TLE6: variants seen among roughly 807,000 people sequenced by gnomAD.
The protein encoded by TLE6 is TLE family member 6, subcortical maternal complex member.
Under a neutral mutation model 77.1 loss-of-function variants are expected in TLE6, and 72 were observed. That is an observed-to-expected ratio of 0.93 (90% CI 0.77 to 1.14). TLE6 has a LOEUF of 1.14. Among genes scored for constraint, TLE6 ranks in the 50% most tolerant of loss-of-function variants. The pLI, the probability that TLE6 is intolerant of heterozygous loss-of-function variation, is 0.00. For missense variants in TLE6, 843 were observed against 747.6 expected (o/e 1.13, Z -1.49); for synonymous variants, 366 against 287.3 (o/e 1.27, Z -2.77).
At chr19:2,978,321 A>C in intron 2 of TLE6, 37 bp downstream of exon 2, 11 of 1,549,648 alleles carry the variant, frequency 7.1e-6, no homozygotes, top group Non-Finnish European at 9.6e-6. Context: ...CCCTCAAGGG[A>C]AACCCGGGCC....
intron 2 of TLE6, among the ~76,000 whole-genome samples, chr19:2,979,760 G>A (rs2088756784): frequency 1.5e-5 from 2 of 129,108 alleles, no homozygotes; most frequent in Non-Finnish European, 3.2e-5. Flanking sequence ...CCAAGATGGT[G>A]AAACCCCATC....
Position 2,991,417 on chromosome 19 carries a change from CACACACACAT to C in TLE6, c.1245-424_1245-415del, listed in dbSNP as rs1363916788. Among the ~76,000 whole-genome samples, 162 of 148,626 alleles carry C rather than the reference CACACACACAT, an allele frequency of 1.1e-3. 1 individual carries two copies. Among genetic ancestry groups the C allele is most frequent in the African/African-American group, 3.7e-3 (149 of 40,488 alleles). ...ATATACACACACACACACACACACACACACACACATATATATAATATATGTATTTATAACA... is the reference window on the plus strand; with the variant it reads ...ATATACACACACACACACACACACACATATATAATATATGTATTTATAACA... On this transcript the variant is annotated intron_variant, in intron 13 of 16. Transcript: ENST00000246112.
At chr19:2,982,511 C>T (rs961036232) in intron 5 of TLE6, among the ~76,000 whole-genome samples, 1 of 143,288 alleles carries the variant, frequency 7.0e-6, no homozygotes, top group African/African-American at 2.6e-5. Context: ...GCACTCCAGC[C>T]TGGGCGACAG....
Position 2,995,054 on chromosome 19 carries a change from C to A in TLE6, c.*50C>A. On this transcript the variant is annotated 3_prime_UTR_variant, in exon 17 of 17. Transcript: ENST00000246112. ...TCCGGCTCCTCTTTTCATCCCCCCC[C>A]TTCCCCCCCCCCAACAAGGGGGACA... The A allele has an allele frequency of 9.5e-7, 1 of 1,051,830 alleles. No homozygotes were observed. Among genetic ancestry groups the A allele is most frequent in the Non-Finnish European group, 1.4e-6 (1 of 738,664 alleles). The allele number at this position is 1,051,830 out of a possible 1,614,324, so 65.2% of individuals were successfully genotyped here. A position where few individuals can be genotyped will look rare whatever the true frequency, so the allele number is the denominator to read the frequency against.
In TLE6 at chr19:2,992,001, G is replaced by A; in HGVS notation, c.1386+17G>A. ...AAGTCTCAGGTGCGGAGGCCGGGAT[G>A]GGGTCTGCTTGGCCAGGCATCCTCT... On this transcript the variant is annotated intron_variant, in intron 14 of 16. Transcript: ENST00000246112. 1.2e-6 allele frequency: 2 copies of A among 1,611,768 alleles called. No homozygotes were observed. The highest frequency in any genetic ancestry group is 1.7e-6 in the Non-Finnish European group (2 of 1,179,000).
Position 2,988,087 on chromosome 19 carries a change from G to A in TLE6, c.703-4G>A, listed in dbSNP as rs767135360. 1 of 1,552,660 alleles carries A rather than the reference G, an allele frequency of 6.4e-7. No individual in the cohort carries two copies. The highest frequency in any genetic ancestry group is 1.2e-5 in the South Asian group (1 of 84,292). On this transcript the variant is annotated splice_region_variant and splice_polypyrimidine_tract_variant and intron_variant, in intron 10 of 16. Coordinates refer to ENST00000246112, the MANE Select transcript of TLE6 (RefSeq NM_001143986.2). ...GGGGCAGCTGTGATCTCCCCCGCCTGCAGGAGCCTCCTGGAAGAGCCTCTC... is the reference window on the plus strand; with the variant it reads ...GGGGCAGCTGTGATCTCCCCCGCCTACAGGAGCCTCCTGGAAGAGCCTCTC...
chr19:2,981,105 T>C (rs139940906), intron 3 of TLE6, among the ~76,000 whole-genome samples: 35 of 151,754 alleles, frequency 2.3e-4, no homozygotes, highest in African/African-American at 8.2e-4. Flanking sequence ...CCTGTTGTAA[T>C]CCCAGCACTT....
rs866197425 is a variant in TLE6 at position 2,981,084 on chromosome 19, G to A, written c.135-454G>A. Among the ~76,000 whole-genome samples, 114 of 149,940 alleles carry A rather than the reference G, an allele frequency of 7.6e-4. 1 individual carries two copies. Among genetic ancestry groups the A allele is most frequent in the Admixed American group, 9.3e-4 (14 of 15,044 alleles). On this transcript the variant is annotated intron_variant, in intron 3 of 16. Coordinates refer to ENST00000246112, the MANE Select transcript of TLE6 (RefSeq NM_001143986.2). ...AAAATTGAAGAAAGTGGCGGGGCGC[G>A]GTGGCTCAAGCCTGTTGTAATCCCA... is the stretch of plus-strand genomic sequence containing the variant.
At chr19:2,983,929 G>A (rs1380858370) in intron 5 of TLE6, 1 of 152,256 alleles carries the variant, frequency 6.6e-6, no homozygotes, top group Admixed American at 6.5e-5. Flanking sequence ...GAGGGCTCCA[G>A]AGCAAAGGAG....
intron 14 of TLE6, among the ~76,000 whole-genome samples, chr19:2,992,353 T>TC (rs1910331091): frequency 6.6e-6 from 1 of 152,060 alleles, no homozygotes; most frequent in Non-Finnish European, 1.5e-5. Context: ...ATGCCTATAA[T>TC]CCCAGCTAGT....
intron 2 of TLE6, among the ~76,000 whole-genome samples, chr19:2,979,372 G>A (rs891685001): frequency 3.0e-4 from 45 of 151,764 alleles, no homozygotes; most frequent in Non-Finnish European, 5.2e-4. Flanking sequence ...TCAGCCTCCC[G>A]AGTAGCTGGG....
chr19:2,981,283 C>T (rs1007926027), intron 3 of TLE6, among the ~76,000 whole-genome samples: 1 of 151,000 alleles, frequency 6.6e-6, no homozygotes, highest in African/African-American at 2.4e-5. Flanking sequence ...TCTCTTGAAC[C>T]CAGGAGGCGG....
At chr19:2,978,372 G>T in intron 2 of TLE6, 88 bp downstream of exon 2, 1 of 1,357,780 alleles carries the variant, frequency 7.4e-7, no homozygotes, top group Non-Finnish European at 1.0e-6. Flanking sequence ...ACCTGGGCTG[G>T]CCCCGCCCAG....
At chr19:2,994,808 T>A (rs2089172415) in intron 16 of TLE6, 92 bp from the exon 17 acceptor site, 1 of 705,994 alleles carries the variant, frequency 1.4e-6, no homozygotes, top group Non-Finnish European at 2.4e-6. Flanking sequence ...TGTCTTTCTT[T>A]GAAGAGACGA....
chr19:2,993,206 G>A (rs569605291), intron 14 of TLE6, among the ~76,000 whole-genome samples: 15 of 152,282 alleles, frequency 9.9e-5, no homozygotes, highest in South Asian at 4.1e-4. Flanking sequence ...GCGAGACTCC[G>A]TCTCAAAATA....
At position 2,993,970 on chromosome 19, in the gene TLE6, A is replaced by G; in HGVS notation, c.1538-49A>G. Reference sequence around the variant, plus strand: ...TGGGTGGGGAGGATGAACTCTGGGAAGGAAAAAGGTAGTGGTTCTAAGTCT... The same window carrying G: ...TGGGTGGGGAGGATGAACTCTGGGAGGGAAAAAGGTAGTGGTTCTAAGTCT... On this transcript the variant is annotated intron_variant, in intron 15 of 16. Coordinates refer to ENST00000246112, the MANE Select transcript of TLE6 (RefSeq NM_001143986.2). 3 of 1,375,594 alleles carry G rather than the reference A, an allele frequency of 2.2e-6. No homozygotes were observed. The South Asian group carries it at 3.7e-5, about 17-fold the overall frequency. 85.2% of individuals were successfully genotyped at this position (1,375,594 alleles called of 1,614,324 possible).
At chr19:2,990,905 G>T (rs184128167) in intron 13 of TLE6, among the ~76,000 whole-genome samples, 4 of 151,654 alleles carry the variant, frequency 2.6e-5, no homozygotes, top group Admixed American at 2.6e-4. Flanking sequence ...GGAGGCTGAG[G>T]CAGGAGAATC....
Position 2,987,339 on chromosome 19 carries a change from C to T in TLE6, c.542-17C>T, listed in dbSNP as rs774108166. The T allele has an allele frequency of 1.2e-5, 20 of 1,614,052 alleles. No homozygotes were observed. Among genetic ancestry groups the T allele is most frequent in the South Asian group, 7.7e-5 (7 of 91,090 alleles). On this transcript the variant is annotated splice_polypyrimidine_tract_variant and intron_variant, in intron 7 of 16. Transcript: ENST00000246112. ...TTCTCTCTGTCCCCCTCCTCCTCTC[C>T]GTTGTCATGGTGACAGAGCAGGCAC...
Position 2,990,916 on chromosome 19 carries a change from G to A in TLE6, c.1245-927G>A, listed in dbSNP as rs371732996. On this transcript the variant is annotated intron_variant, in intron 13 of 16. Coordinates refer to ENST00000246112, the MANE Select transcript of TLE6 (RefSeq NM_001143986.2). Reference sequence around the variant, plus strand: ...CCCCGGAGGCTGAGGCAGGAGAATCGCTTGAGAAGCGGAGTTTGTGGTGAG... The same window carrying A: ...CCCCGGAGGCTGAGGCAGGAGAATCACTTGAGAAGCGGAGTTTGTGGTGAG... 9.9e-5 allele frequency among the ~76,000 whole-genome samples: 15 copies of A among 150,966 alleles called. No individual in the cohort carries two copies. The South Asian group carries it at 2.7e-3, about 27-fold the overall frequency.
Sources: gnomAD v4.1 joint callset for allele counts (sites outside exome capture counted in the v4.1 genomes callset) on GRCh38, gnomAD v4.1.1 for gene constraint, MANE v1.5 for transcripts, NCBI Gene and HGNC (gene_info 2026-07-23, HGNC 2026-07-21) for gene names.